Variants in POU2F2 observed in about 807,000 individuals in gnomAD.
POU2F2 encodes the protein POU domain, class 2, transcription factor 2.
A neutral mutation model predicts 63.5 loss-of-function variants in POU2F2; 14 were observed. The ratio of observed to expected loss-of-function variants is 0.22; its 90% confidence interval spans 0.15 to 0.34. The LOEUF is 0.34. POU2F2 is among the 10% of genes least tolerant of loss of function. The pLI is 1.00. For synonymous variants in POU2F2, 306 were observed against 348.6 expected (o/e 0.88, Z 1.36); for missense variants, 607 against 815.2 (o/e 0.74, Z 3.11).
chr19:42,195,542 T>C (rs915445951), intron 1 of POU2F2, among the ~76,000 whole-genome samples: 2 of 151,650 alleles, frequency 1.3e-5, no homozygotes, highest in Non-Finnish European at 2.9e-5. Flanking sequence ...CAGTATTACC[T>C]AGGATGGTCT....
chr19:42,093,569 A>G (rs867122427), intron 12 of POU2F2: 25 of 389,498 alleles, frequency 6.4e-5, no homozygotes, highest in Admixed American at 1.7e-4. Context: ...GACAGAGGCC[A>G]GGCACAAAAC....
intron 1 of POU2F2, among the ~76,000 whole-genome samples, chr19:42,191,150 C>T (rs1329987011): frequency 6.6e-6 from 1 of 151,984 alleles, no homozygotes; most frequent in Non-Finnish European, 1.5e-5. Flanking sequence ...TTTCCATTTG[C>T]CCTCCAGGTC....
chr19:42,149,381 C>T (rs2034295719), intron 2 of POU2F2, among the ~76,000 whole-genome samples: 1 of 152,166 alleles, frequency 6.6e-6, no homozygotes, highest in South Asian at 2.1e-4. Context: ...CCTGAGCCTC[C>T]ACTTCTTTCT....
chr19:42,106,014 T>C (rs1008465590), intron 5 of POU2F2, among the ~76,000 whole-genome samples: 1 of 146,238 alleles, frequency 6.8e-6, no homozygotes. Context: ...TTTCTTTCTT[T>C]CTTTCTTTCT....
Position 42,155,487 on chromosome 19 carries a change from A to C in POU2F2, c.-9+4845T>G, listed in dbSNP as rs1241854169. Among the ~76,000 whole-genome samples, 1 of 152,128 alleles carries C rather than the reference A, an allele frequency of 6.6e-6. No individual in the cohort carries two copies. The highest frequency in any genetic ancestry group is 1.5e-5 in the Non-Finnish European group (1 of 68,022). ...ATCCACCTCGTCCCCAAGAAAAGCA[A>C]GGTTGGGCACAGTGGTCCTAGCCTG... On this transcript the variant is annotated intron_variant, in intron 2 of 6. Coordinates refer to the POU2F2 transcript ENST00000524801. This position sits in a 1 kb window ranked among gnomAD's most constrained non-coding sequence, Gnocchi z 4.2.
At chr19:42,141,198 C>T (rs984656582) in intron 2 of POU2F2, among the ~76,000 whole-genome samples, 1 of 152,244 alleles carries the variant, frequency 6.6e-6, no homozygotes, top group Admixed American at 6.5e-5. Flanking sequence ...CTCAGTTTGA[C>T]ATGTTCTTGT....
chr19:42,115,095 G>A (rs753401487), intron 5 of POU2F2, among the ~76,000 whole-genome samples: 4 of 151,942 alleles, frequency 2.6e-5, no homozygotes, highest in Non-Finnish European at 5.9e-5. Flanking sequence ...AGGCTGCAGT[G>A]AGCCATAATC....
At position 42,089,712 on chromosome 19, in the gene POU2F2, A is replaced by G. The variant is rs1002065549; in HGVS notation, c.*1545T>C. 1 of 143,550 alleles carries G rather than the reference A, an allele frequency of 7.0e-6. No individual in the cohort carries two copies. Among genetic ancestry groups the G allele is most frequent in the Non-Finnish European group, 1.5e-5 (1 of 65,694 alleles). 8.9% of individuals were successfully genotyped at this position (143,550 alleles called of 1,614,324 possible). A position where few individuals can be genotyped will look rare whatever the true frequency, so the allele number is the denominator to read the frequency against. On this transcript the variant is annotated 3_prime_UTR_variant, in exon 15 of 15. Transcript: ENST00000692977. ...AGAGTCCTCATCTTCTTTCCCTTTT[A>G]TATATATATATATATATATGTTTAT...
At chr19:42,193,418 G>A (rs2035096035) in intron 1 of POU2F2, among the ~76,000 whole-genome samples, 1 of 152,184 alleles carries the variant, frequency 6.6e-6, no homozygotes, top group Admixed American at 6.6e-5. Context: ...GAGGGAGGCA[G>A]AGGAAGATTT....
intron 5 of POU2F2, among the ~76,000 whole-genome samples, chr19:42,102,475 G>A (rs1240683885): frequency 6.6e-6 from 1 of 151,916 alleles, no homozygotes; most frequent in East Asian, 1.9e-4. Context: ...TTTAAGACAG[G>A]GCCAGGCACA....
Position 42,095,203 on chromosome 19 carries a change from G to T in POU2F2, c.1197+83C>A. 6.8e-7 allele frequency: 1 copy of T among 1,464,910 alleles called. No homozygotes were observed. 90.7% of individuals were successfully genotyped at this position (1,464,910 alleles called of 1,614,324 possible). On this transcript the variant is annotated intron_variant, in intron 11 of 14. Transcript: ENST00000692977. This position sits in a 1 kb window ranked among gnomAD's most constrained non-coding sequence, Gnocchi z 7.1. ...TCTTCTTGTCTCTGTTCTAGGCTCT[G>T]TGGACAACCAGGTAGGGTGGGCTTC...
intron 1 of POU2F2, among the ~76,000 whole-genome samples, chr19:42,160,839 C>T (rs530944106): frequency 6.6e-6 from 1 of 152,268 alleles, no homozygotes; most frequent in African/African-American, 2.4e-5. Context: ...CTACGAGGAA[C>T]AAATGAGAAA....
intron 1 of POU2F2, among the ~76,000 whole-genome samples, chr19:42,190,191 G>A (rs896461044): frequency 6.6e-6 from 1 of 152,164 alleles, no homozygotes; most frequent in Non-Finnish European, 1.5e-5. Flanking sequence ...CACAGGTGGA[G>A]AGGAGGACAA....
chr19:42,091,335 G>C lies in POU2F2; in HGVS notation c.1797C>G (p.Ser599=). ...CTGCCGTCTCGCTGCAAGTGGAGGAGGAGGAGGATGAGGATGAAGAGGATG... is the reference window on the plus strand; with the variant it reads ...CTGCCGTCTCGCTGCAAGTGGAGGACGAGGAGGATGAGGATGAAGAGGATG... ...SSSSSSSSSS[S]SSTCSETAAQ... is the part of the protein sequence containing the mutation. The change falls in exon 15 of 15, where the codon TCC becomes TCG. Residue 599 remains serine (S), a synonymous_variant. Transcript: ENST00000692977. The C allele has an allele frequency of 6.5e-7, 1 of 1,535,860 alleles. No homozygotes were observed. The highest frequency in any genetic ancestry group is 8.7e-7 in the Non-Finnish European group (1 of 1,146,814).
intron 2 of POU2F2, among the ~76,000 whole-genome samples, chr19:42,151,745 C>T (rs1387606569): frequency 1.3e-5 from 2 of 152,170 alleles, no homozygotes; most frequent in African/African-American, 4.8e-5. Context: ...CTGCCCTCCC[C>T]CACCCAGGTC....
At chr19:42,106,103 T>G (rs959312509) in intron 5 of POU2F2, among the ~76,000 whole-genome samples, 3 of 151,622 alleles carry the variant, frequency 2.0e-5, no homozygotes, top group African/African-American at 7.3e-5. Context: ...TCTCTCTCTT[T>G]CTTTCTTTTT....
chr19:42,105,695 G>A (rs1370173572), intron 5 of POU2F2, among the ~76,000 whole-genome samples: 1 of 152,148 alleles, frequency 6.6e-6, no homozygotes, highest in Non-Finnish European at 1.5e-5. Context: ...TCAGACCAGA[G>A]ACTTAGGGGT....
chr19:42,132,416 C>T lies in POU2F2; in HGVS notation c.-5G>A. On this transcript the variant is annotated 5_prime_UTR_variant, in exon 1 of 15. Transcript: ENST00000692977. ...CCCCATGCTGGAGTGAACCATGCTG[C>T]CCGCCCCGCCAGGGCTGGGGGAACA... 2.0e-6 allele frequency: 3 copies of T among 1,506,422 alleles called. No homozygotes were observed. Among genetic ancestry groups the T allele is most frequent in the Non-Finnish European group, 2.7e-6 (3 of 1,130,442 alleles). 93.3% of individuals were successfully genotyped at this position (1,506,422 alleles called of 1,614,324 possible). A position where few individuals can be genotyped will look rare whatever the true frequency, so the allele number is the denominator to read the frequency against.
chr19:42,195,787 T>C (rs1238002746), intron 1 of POU2F2, among the ~76,000 whole-genome samples: 3 of 148,508 alleles, frequency 2.0e-5, no homozygotes, highest in African/African-American at 7.4e-5. Flanking sequence ...TCCTGTCTTT[T>C]TTTTTTTTCT....
Sources: gnomAD v4.1 joint callset for allele counts (sites outside exome capture counted in the v4.1 genomes callset) on GRCh38, gnomAD v4.1.1 for gene constraint, Gnocchi (gnomAD v3.1) non-coding constraint, MANE v1.5 for transcripts, NCBI Gene and HGNC (gene_info 2026-07-23, HGNC 2026-07-21) for gene names.